Variants in HYDIN observed in about 807,000 individuals in gnomAD.
HYDIN encodes axonemal central pair apparatus protein HYDIN.
HYDIN carries 132 observed loss-of-function variants against 403.9 expected under a neutral mutation model. The ratio of observed to expected loss-of-function variants is 0.33; its 90% CI spans 0.28 to 0.38. The LOEUF (loss-of-function observed/expected upper bound fraction) is 0.38. HYDIN is among the 10% of genes least tolerant of loss of function. HYDIN has a pLI of 1.00. For missense variants in HYDIN, 2,827 were observed against 5,009.5 expected, an observed-to-expected ratio of 0.56 and a Z score of 13.15; for synonymous variants, 1,202 against 1,891.7, an observed-to-expected ratio of 0.64 and a Z score of 9.46.
chr16:71,125,824 G>C (rs1471275736), intron 9 of HYDIN, among the ~76,000 whole-genome samples: 2 of 152,066 alleles, frequency 1.3e-5, no homozygotes, highest in African/African-American at 4.8e-5. Flanking sequence ...GACCACCCCT[G>C]GGCTGTTCCA....
intron 83 of HYDIN, among the ~76,000 whole-genome samples, chr16:70,825,034 A>G (rs1440082794): frequency 6.6e-6 from 1 of 151,834 alleles, no homozygotes; most frequent in African/African-American, 2.4e-5. Flanking sequence ...TGTTGGGATT[A>G]CAGAGGTGAG....
chr16:70,872,609 TCCAC>T (rs1248549276), intron 64 of HYDIN, among the ~76,000 whole-genome samples: 19 of 131,812 alleles, frequency 1.4e-4, no homozygotes, highest in African/African-American at 5.2e-4. Context: ...CCAGCCATCA[TCCAC>T]CCACCCACCC....
chr16:71,162,214 T>C (rs1258557165), intron 6 of HYDIN, among the ~76,000 whole-genome samples: 1 of 151,234 alleles, frequency 6.6e-6, no homozygotes, highest in Non-Finnish European at 1.5e-5. Context: ...AAGCCAGTTA[T>C]AAAAATTCTC....
intron 5 of HYDIN, among the ~76,000 whole-genome samples, chr16:71,174,621 G>T (rs758272759): frequency 6.6e-6 from 1 of 151,904 alleles, no homozygotes; most frequent in Non-Finnish European, 1.5e-5. Context: ...TCTACTCCCT[G>T]GAGAAGGGGT....
chr16:71,011,973 G>C (rs919596812), intron 23 of HYDIN, among the ~76,000 whole-genome samples: 1 of 152,124 alleles, frequency 6.6e-6, no homozygotes, highest in Non-Finnish European at 1.5e-5. Flanking sequence ...ATTCACAAAC[G>C]AAGAGCCAAA....
At chr16:71,031,242 T>C (rs1358394101) in intron 19 of HYDIN, among the ~76,000 whole-genome samples, 3 of 109,436 alleles carry the variant, frequency 2.7e-5, no homozygotes, top group East Asian at 2.7e-4. Flanking sequence ...GGCTCTGCAA[T>C]AGCTGATAAA....
At chr16:71,048,734 G>A (rs1370877805) in intron 18 of HYDIN, among the ~76,000 whole-genome samples, 2 of 152,202 alleles carry the variant, frequency 1.3e-5, no homozygotes, top group Non-Finnish European at 2.9e-5. Context: ...GAGGGTGGAA[G>A]GAGAGAGAAG....
chr16:70,922,934 A>C (rs2077040226), intron 45 of HYDIN, among the ~76,000 whole-genome samples: 1 of 151,042 alleles, frequency 6.6e-6, no homozygotes, highest in Admixed American at 6.6e-5. Flanking sequence ...TGCCTGGCTA[A>C]TTTTTAATTT....
intron 9 of HYDIN, among the ~76,000 whole-genome samples, chr16:71,121,886 A>G (rs1254710430): frequency 2.0e-5 from 3 of 152,158 alleles, no homozygotes; most frequent in Admixed American, 6.5e-5. Context: ...ACGCCAAACC[A>G]TCTTAGTTAT....
chr16:70,859,158 G>A (rs778297953), intron 71 of HYDIN, among the ~76,000 whole-genome samples: 1 of 151,904 alleles, frequency 6.6e-6, no homozygotes, highest in Non-Finnish European at 1.5e-5. Context: ...AAAATTAGCT[G>A]GGCGTGGTGG....
At chr16:71,165,184 C>T (rs1184426716) in intron 5 of HYDIN, among the ~76,000 whole-genome samples, 9 of 151,222 alleles carry the variant, frequency 6.0e-5, no homozygotes, top group Non-Finnish European at 8.8e-5. Context: ...CTGAGGCTGG[C>T]GCACTTGCGA....
At chr16:71,157,085 T>C (rs2085800559) in intron 6 of HYDIN, among the ~76,000 whole-genome samples, 1 of 148,270 alleles carries the variant, frequency 6.7e-6, no homozygotes, top group African/African-American at 2.5e-5. Context: ...GGGTGTTTAT[T>C]TATTCTAGAC....
At chr16:70,822,976 C>G (rs1464274589) in intron 83 of HYDIN, among the ~76,000 whole-genome samples, 2 of 107,812 alleles carry the variant, frequency 1.9e-5, no homozygotes, top group Admixed American at 1.0e-4. Flanking sequence ...GGCCTGGAAC[C>G]AAACCCACAG....
chr16:70,952,565 T>C lies in HYDIN; in HGVS notation c.6387A>G (p.Leu2129=). ...GRLSTDTLGK[L]ASEMTLVAPE... is the part of the protein sequence containing the mutation. ...GGGCCACCAGAGTCATCTCGGAGGC[T>C]AACTTGCCCAAGGTGTCAGTGCTCA... Residue 2129 remains leucine, a synonymous_variant, in exon 41 of 86, where the codon TTA becomes TTG. Transcript: ENST00000393567. 7 of 1,613,946 alleles carry C rather than the reference T, an allele frequency of 4.3e-6. No individual in the cohort carries two copies. The highest frequency in any genetic ancestry group is 5.9e-6 in the Non-Finnish European group (7 of 1,180,004).
intron 67 of HYDIN, among the ~76,000 whole-genome samples, chr16:70,863,972 T>C (rs1400346330): frequency 6.6e-6 from 1 of 151,770 alleles, no homozygotes; most frequent in Non-Finnish European, 1.5e-5. Context: ...ATTTGAATTT[T>C]AGTTACTTCA....
chr16:70,807,305 A>C lies in HYDIN; in HGVS notation c.*275T>G, dbSNP rs77700569. On this transcript the variant is annotated 3_prime_UTR_variant, in exon 86 of 86. Transcript: ENST00000393567. ...ATAAAAATGGGAATTATTACAAAGT[A>C]CTTGAGCTTTGGGGCTATGTCAAGA... 0.02 allele frequency: 7,976 copies of C among 397,132 alleles called. 545 individuals carry two copies. The highest frequency in any genetic ancestry group is 0.14 in the African/African-American group (7,028 of 49,474). The allele number at this position is 397,132 out of a possible 1,614,324, so 24.6% of individuals were successfully genotyped here.
intron 45 of HYDIN, among the ~76,000 whole-genome samples, chr16:70,925,027 C>A (rs1410654782): frequency 2.0e-5 from 3 of 152,094 alleles, no homozygotes; most frequent in South Asian, 2.1e-4. Context: ...CCCGCCCTCC[C>A]AGGGACTGAA....
intron 17 of HYDIN, 90 bp from the exon 18 acceptor site, chr16:71,060,746 G>C (rs2082050892): frequency 3.0e-6 from 2 of 669,508 alleles, no homozygotes; most frequent in African/African-American, 1.8e-5. Context: ...AAGGGCAAAA[G>C]AGGATGCTTA....
intron 36 of HYDIN, among the ~76,000 whole-genome samples, chr16:70,967,189 T>G (rs552149952): frequency 6.6e-6 from 1 of 152,242 alleles, no homozygotes; most frequent in East Asian, 1.9e-4. Flanking sequence ...AGATGTGGAT[T>G]TGGGGGGAGC....
Sources: gnomAD v4.1 joint callset for allele counts (sites outside exome capture counted in the v4.1 genomes callset) on GRCh38, gnomAD v4.1.1 for gene constraint, MANE v1.5 for transcripts, NCBI Gene and HGNC (gene_info 2026-07-23, HGNC 2026-07-21) for gene names.